Variants in VIPR1 observed in about 807,000 individuals in gnomAD.
VIPR1 encodes the protein vasoactive intestinal polypeptide receptor 1.
In VIPR1, 59 loss-of-function variants were observed where a neutral mutation model predicts 58.8. The ratio of observed to expected loss-of-function variants is 1.00; its 90% confidence interval spans 0.81 to 1.25. The LOEUF (loss-of-function observed/expected upper bound fraction) is 1.25, where lower values mean the gene tolerates loss of function less well. VIPR1 is among the 50% of genes most tolerant of loss of function. VIPR1 has a pLI of 0.00. For synonymous variants in VIPR1, 251 were observed against 242.1 expected, an observed-to-expected ratio of 1.04 and a Z score of -0.34; for missense variants, 626 against 602.7, an observed-to-expected ratio of 1.04 and a Z score of -0.40.
upstream of VIPR1, among the ~76,000 whole-genome samples, chr3:42,501,376 G>A (rs1699865827): frequency 6.6e-6 from 1 of 152,152 alleles, no homozygotes; most frequent in South Asian, 2.1e-4. This position sits in a 1 kb window ranked among gnomAD's most constrained non-coding sequence, Gnocchi z 4.8. Context: ...CCTTCAGGTA[G>A]CCGCACATTC....
chr3:42,525,894 T>C lies in VIPR1; in HGVS notation c.300T>C (p.Asn100=), dbSNP rs377440698. ...FKLFSSIQGR[N]VSRSCTDEGW... is the part of the protein sequence containing the mutation. ...CCCCTGCCCTCCACCCAGGCCGCAATGTAAGCCGCAGCTGCACCGACGAAG... is the reference window on the plus strand; with the variant it reads ...CCCCTGCCCTCCACCCAGGCCGCAACGTAAGCCGCAGCTGCACCGACGAAG... Residue 100 remains asparagine, a synonymous_variant, in exon 4 of 13, where the codon AAT becomes AAC. Coordinates refer to ENST00000325123, the MANE Select transcript of VIPR1 (RefSeq NM_004624.4). The C allele has an allele frequency of 1.2e-5, 19 of 1,610,564 alleles. No homozygotes were observed. In the African/African-American group the frequency reaches 2.3e-4, roughly 19 times the overall value.
In VIPR1 at chr3:42,532,353, C is replaced by G; in HGVS notation, c.1010+20C>G. ...ATACTCGTGAGTGTGGGCCTAGTGCCTCAGCCCCCAGTACCTCCATCCCCA... is the reference window on the plus strand; with the variant it reads ...ATACTCGTGAGTGTGGGCCTAGTGCGTCAGCCCCCAGTACCTCCATCCCCA... On this transcript the variant is annotated intron_variant, in intron 10 of 12. Coordinates refer to ENST00000325123, the MANE Select transcript of VIPR1 (RefSeq NM_004624.4). 6.2e-7 allele frequency: 1 copy of G among 1,609,706 alleles called. No individual in the cohort carries two copies. The highest frequency in any genetic ancestry group is 1.3e-5 in the African/African-American group (1 of 74,928).
chr3:42,532,570 T>A (rs2067019902), intron 10 of VIPR1: 2 of 590,456 alleles, frequency 3.4e-6, no homozygotes, highest in African/African-American at 3.7e-5. Context: ...TCACCTAGCA[T>A]CCTTCCCAGG....
chr3:42,531,410 A>G, intron 7 of VIPR1, 61 bp from the exon 8 acceptor site: 1 of 1,526,192 alleles, frequency 6.6e-7, no homozygotes. Flanking sequence ...TCTCTCCCTC[A>G]TGCCCTCTAC....
rs753148130 is a variant in VIPR1 at position 42,527,426 on chromosome 3, G to C, written c.433G>C (p.Gly145Arg). 1 of 1,613,556 alleles carries C rather than the reference G, an allele frequency of 6.2e-7. No individual in the cohort carries two copies. ...QTMFYGSVKTGYTIGYGLSLA... is the reference protein window; with the variant it reads ...QTMFYGSVKTRYTIGYGLSLA... ...CATGTTCTACGGTTCTGTGAAGACCGGCTACACCATTGGCTACGGCCTGTC... is the reference window on the plus strand; with the variant it reads ...CATGTTCTACGGTTCTGTGAAGACCCGCTACACCATTGGCTACGGCCTGTC... The change falls in exon 5 of 13, where the codon GGC (glycine) becomes CGC (arginine). Residue 145 changes from glycine to arginine, a missense_variant. Coordinates refer to ENST00000325123, the MANE Select transcript of VIPR1 (RefSeq NM_004624.4).
chr3:42,536,647 A>C lies in VIPR1; in HGVS notation c.*366A>C, dbSNP rs1187021616. ...CCAATTGGAGGAAAGCAACCGGTGG[A>C]TCCTCAAACAACACTGGTGTGACCT... On this transcript the variant is annotated 3_prime_UTR_variant, in exon 13 of 13. Transcript: ENST00000325123. 2.5e-5 allele frequency: 5 copies of C among 196,360 alleles called. No individual in the cohort carries two copies. Among genetic ancestry groups the C allele is most frequent in the Admixed American group, 2.4e-4 (4 of 16,428 alleles). 12.2% of individuals were successfully genotyped at this position (196,360 alleles called of 1,614,324 possible). A position where few individuals can be genotyped will look rare whatever the true frequency, so the allele number is the denominator to read the frequency against.
At chr3:42,531,757 T>C in intron 8 of VIPR1, 46 bp from the exon 9 acceptor site, 1 of 1,612,950 alleles carries the variant, frequency 6.2e-7, no homozygotes, top group Non-Finnish European at 8.5e-7. Context: ...TGAGTCTCTC[T>C]CTGGCTGAGG....
chr3:42,533,653 G>C (rs1257803121), intron 10 of VIPR1: 1 of 152,282 alleles, frequency 6.6e-6, no homozygotes, highest in African/African-American at 2.4e-5. Context: ...TGGAGATGAA[G>C]CTCCTCAAGG....
At position 42,502,773 on chromosome 3, in the gene VIPR1, G is replaced by T; in HGVS notation, c.38G>T (p.Cys13Phe). 7.7e-7 allele frequency: 1 copy of T among 1,296,772 alleles called. No homozygotes were observed. Among genetic ancestry groups the T allele is most frequent in the Admixed American group, 3.9e-5 (1 of 25,726 alleles). The allele number at this position is 1,296,772 out of a possible 1,614,324, so 80.3% of individuals were successfully genotyped here. ...PPSPLPARWL[C>F]VLAGALAWAL... is the part of the protein sequence containing the mutation. ...AGTCCGCTGCCCGCCCGCTGGCTAT[G>T]CGTGCTGGCAGGCGCCCTCGCCTGG... is the stretch of plus-strand genomic sequence containing the variant. Residue 13 changes from cysteine to phenylalanine, a missense_variant, in exon 1 of 13, where the codon TGC (cysteine) becomes TTC (phenylalanine). By Grantham distance (205) the Cys-to-Phe change is radical (BLOSUM62 -2). Coordinates refer to ENST00000325123, the MANE Select transcript of VIPR1 (RefSeq NM_004624.4).
At chr3:42,499,287 T>A (rs1699822786), upstream of VIPR1, among the ~76,000 whole-genome samples, 1 of 152,154 alleles carries the variant, frequency 6.6e-6, no homozygotes, top group Non-Finnish European at 1.5e-5. Flanking sequence ...GCCCCTGAGC[T>A]GGAAGCCTTG....
At chr3:42,490,958 G>A (rs1699654414) in intron 1 of VIPR1, among the ~76,000 whole-genome samples, 1 of 152,122 alleles carries the variant, frequency 6.6e-6, no homozygotes, top group Non-Finnish European at 1.5e-5. Flanking sequence ...CATCACTCAG[G>A]GCCTGGTAAG....
intron 3 of VIPR1, among the ~76,000 whole-genome samples, chr3:42,523,921 G>A (rs1011561865): frequency 6.6e-6 from 1 of 152,062 alleles, no homozygotes; most frequent in African/African-American, 2.4e-5. Context: ...GGGTTCAAGC[G>A]ATTCTCCTGC....
At chr3:42,496,918 AT>A (rs1699773525) in intron 1 of VIPR1, among the ~76,000 whole-genome samples, 1 of 151,196 alleles carries the variant, frequency 6.6e-6, no homozygotes, top group South Asian at 2.1e-4. Flanking sequence ...TCTTAGTTTC[AT>A]TTTTCTTTTT....
At chr3:42,500,931 C>T (rs948162975), upstream of VIPR1, among the ~76,000 whole-genome samples, 3 of 152,194 alleles carry the variant, frequency 2.0e-5, no homozygotes, top group Non-Finnish European at 2.9e-5. Flanking sequence ...AGTACAGTAG[C>T]TCCCCAAGTT....
chr3:42,528,093 C>T lies in VIPR1; in HGVS notation c.606C>T (p.Ser202=), dbSNP rs141852217. ...VFIKDLALFD[S]GESDQCSEGS... The stretch of plus-strand genomic sequence containing the variant: ...TCAAAGACTTGGCCCTCTTCGACAG[C>T]GGGGAGTCGGACCAGTGCTCCGAGG... The change falls in exon 6 of 13, where the codon AGC becomes AGT. Residue 202 remains serine (S), a synonymous_variant. Coordinates refer to ENST00000325123, the MANE Select transcript of VIPR1 (RefSeq NM_004624.4). 185 of 1,613,812 alleles carry T rather than the reference C, an allele frequency of 1.1e-4. No homozygotes were observed. Among genetic ancestry groups the T allele is most frequent in the South Asian group, 4.8e-4 (44 of 91,070 alleles).
chr3:42,501,228 C>G (rs1699862460), upstream of VIPR1, among the ~76,000 whole-genome samples: 1 of 151,918 alleles, frequency 6.6e-6, no homozygotes, highest in South Asian at 2.1e-4. This position sits in a 1 kb window ranked among gnomAD's most constrained non-coding sequence, Gnocchi z 4.8. Context: ...CTCATCCCTT[C>G]CCGGCTTTCC....
chr3:42,501,419 G>A (rs555948048), upstream of VIPR1, among the ~76,000 whole-genome samples: 123 of 152,164 alleles, frequency 8.1e-4, 1 homozygote, highest in South Asian at 0.011. This position sits in a 1 kb window ranked among gnomAD's most constrained non-coding sequence, Gnocchi z 4.8. Flanking sequence ...TGCCCTCTCC[G>A]CCTCTCCACT....
chr3:42,527,778 G>C, intron 5 of VIPR1: 1 of 701,872 alleles, frequency 1.4e-6, no homozygotes, highest in Non-Finnish European at 2.3e-6. Context: ...GGCCACACAC[G>C]AGGTTGAGGC....
chr3:42,530,909 G>A lies in VIPR1; in HGVS notation c.767G>A (p.Trp256Ter), dbSNP rs900198347. 2 of 1,614,032 alleles carry A rather than the reference G, an allele frequency of 1.2e-6. No homozygotes were observed. Among genetic ancestry groups the A allele is most frequent in the Middle Eastern group, 1.7e-4 (1 of 6,060 alleles). The change falls in exon 7 of 13, where the codon TGG (tryptophan) becomes TAG (stop). Residue 256 changes from tryptophan to a stop codon, truncating the protein, a stop_gained. Coordinates refer to ENST00000325123, the MANE Select transcript of VIPR1 (RefSeq NM_004624.4). LOFTEE classifies it high-confidence loss of function. ...TTCTTCTCTGAGCGGAAGTACTTCT[G>A]GGGGTACATACTCATCGGCTGGGGT... ...VSFFSERKYF[W>*]GYILIGWGVP...
Sources: allele counts gnomAD v4.1 joint callset (sites outside exome capture counted in the v4.1 genomes callset), GRCh38; gene constraint gnomAD v4.1.1; non-coding constraint Gnocchi (gnomAD v3.1); transcripts MANE v1.5; gene names NCBI Gene and HGNC (gene_info 2026-07-23, HGNC 2026-07-21).